TRPM2: variants seen among roughly 807,000 people sequenced by gnomAD.
TRPM2 encodes the protein transient receptor potential cation channel subfamily M member 2.
Under a neutral mutation model 174.0 loss-of-function variants are expected in TRPM2, and 161 were observed. That is an observed-to-expected ratio of 0.93 (90% CI 0.81 to 1.05). The LOEUF (loss-of-function observed/expected upper bound fraction) is 1.05, where lower values mean the gene tolerates loss of function less well. Ranked by LOEUF, TRPM2 falls within the 50% of genes least tolerant of loss-of-function variation. TRPM2 has a pLI of 0.00. For missense variants in TRPM2, 2,057 were observed against 2,038.0 expected (o/e 1.01, Z -0.18); for synonymous variants, 954 against 861.3 (o/e 1.11, Z -1.88).
chr21:44,423,268 C>A (rs2050616822), intron 22 of TRPM2: 2 of 258,834 alleles, frequency 7.7e-6, no homozygotes, highest in East Asian at 8.7e-5. Flanking sequence ...ATTCCCCAAG[C>A]AACAGTGCCG....
Position 44,418,068 on chromosome 21 carries a change from G to T in TRPM2, c.3288G>T (p.Arg1096Ser). The T allele has an allele frequency of 6.2e-7, 1 of 1,613,058 alleles. No individual in the cohort carries two copies. Among genetic ancestry groups the T allele is most frequent in the Non-Finnish European group, 8.5e-7 (1 of 1,179,992 alleles). Reference sequence around the variant, plus strand: ...GCCACCTGCAGCTCTTCATCAAGAGGGTGGTCCTGAAGACTCCGGCCAAGA... The same window carrying T: ...GCCACCTGCAGCTCTTCATCAAGAGTGTGGTCCTGAAGACTCCGGCCAAGA... ...LLSHLQLFIK[R>S]VVLKTPAKRH... The change falls in exon 21 of 32, where the codon AGG (arginine) becomes AGT (serine). Residue 1096 changes from arginine to serine, a missense_variant. By Grantham distance (110) the Arg-to-Ser change is moderately radical. Transcript: ENST00000397928.
chr21:44,390,009 A>G (rs1049021677), intron 9 of TRPM2, among the ~76,000 whole-genome samples: 52 of 151,718 alleles, frequency 3.4e-4, no homozygotes, highest in African/African-American at 1.3e-3. Context: ...AGTAGCTGGG[A>G]CTACAGGTGT....
At chr21:44,419,611 G>A in intron 22 of TRPM2, among the ~76,000 whole-genome samples, 2 of 131,268 alleles carry the variant, frequency 1.5e-5, no homozygotes, top group Admixed American at 7.4e-5. Flanking sequence ...TGGTGATGAT[G>A]GTGATGTGGT....
intron 11 of TRPM2, among the ~76,000 whole-genome samples, chr21:44,392,421 CTT>C (rs747999336): frequency 7.1e-6 from 1 of 139,944 alleles, no homozygotes; most frequent in African/African-American, 2.6e-5. Flanking sequence ...CCACACCCAG[CTT>C]TTTTTTTTTT....
At chr21:44,429,190 A>C (rs1344186930) in intron 27 of TRPM2, among the ~76,000 whole-genome samples, 2 of 151,808 alleles carry the variant, frequency 1.3e-5, no homozygotes, top group Non-Finnish European at 2.9e-5. Flanking sequence ...TTTTGTTCAT[A>C]AAGATCTTAC....
rs755651507 is a variant in TRPM2 at position 44,423,649 on chromosome 21, G to A, written c.3466G>A (p.Asp1156Asn). Residue 1156 changes from aspartate (D) to asparagine (N), a missense_variant, in exon 23 of 32, where the codon GAC (aspartate) becomes AAC (asparagine). Asp to Asn is a conservative substitution (Grantham distance 23). Transcript: ENST00000397928. The part of the protein sequence containing the change: ...QKIEDISNKV[D>N]AMVDLLDLDP... Reference sequence around the variant, plus strand: ...CTCAGCTGCTTCCTCTTTCAGGGTTGACGCCATGGTGGACCTGCTGGACCT... The same window carrying A: ...CTCAGCTGCTTCCTCTTTCAGGGTTAACGCCATGGTGGACCTGCTGGACCT... The A allele has an allele frequency of 3.6e-5, 58 of 1,612,384 alleles. No homozygotes were observed. In the South Asian group the frequency reaches 6.1e-4, roughly 17 times the overall value.
rs1423560660 is a variant in TRPM2 at position 44,418,629 on chromosome 21, T to G, written c.3461+74T>G. 1.9e-6 allele frequency: 3 copies of G among 1,573,058 alleles called. No individual in the cohort carries two copies. In the African/African-American group the frequency reaches 4.1e-5, roughly 21 times the overall value. ...CCTGCAGGTCCACAGGCACCATGAG[T>G]ACATGTCCCACCTGGGGAGGCCCAG... On this transcript the variant is annotated intron_variant, in intron 22 of 31. Transcript: ENST00000397928.
chr21:44,353,449 G>T, upstream of TRPM2: 1 of 406,188 alleles, frequency 2.5e-6, no homozygotes, highest in Non-Finnish European at 4.3e-6. Flanking sequence ...CCCCCAGAGT[G>T]TCCGGGGGCC....
chr21:44,388,363 T>C (rs2049071685), intron 9 of TRPM2, among the ~76,000 whole-genome samples: 1 of 152,100 alleles, frequency 6.6e-6, no homozygotes, highest in Admixed American at 6.6e-5. Context: ...GTCAAATTCA[T>C]GGAGACAGAA....
intron 27 of TRPM2, 55 bp downstream of exon 27, chr21:44,427,166 G>A: frequency 7.0e-7 from 1 of 1,438,040 alleles, no homozygotes; most frequent in Non-Finnish European, 9.4e-7. Flanking sequence ...TTGCCTGGGG[G>A]GCAGGTTTCC....
intron 22 of TRPM2, among the ~76,000 whole-genome samples, chr21:44,419,524 G>A (rs1350199512): frequency 1.3e-5 from 2 of 151,692 alleles, no homozygotes; most frequent in Non-Finnish European, 2.9e-5. Context: ...TAGTGGGGGC[G>A]GTGGTGGTGA....
At chr21:44,385,677 A>T (rs922576061) in intron 9 of TRPM2, among the ~76,000 whole-genome samples, 2 of 152,248 alleles carry the variant, frequency 1.3e-5, no homozygotes, top group Admixed American at 6.5e-5. Context: ...TGGGTAATTT[A>T]TAAAGGAAAG....
Position 44,439,260 on chromosome 21 carries a change from C to A in TRPM2, c.4269+92C>A. 3 of 1,230,794 alleles carry A rather than the reference C, an allele frequency of 2.4e-6. No homozygotes were observed. The highest frequency in any genetic ancestry group is 3.5e-6 in the Non-Finnish European group (3 of 855,180). 76.2% of individuals were successfully genotyped at this position (1,230,794 alleles called of 1,614,324 possible). A position where few individuals can be genotyped will look rare whatever the true frequency, so the allele number is the denominator to read the frequency against. On this transcript the variant is annotated intron_variant, in intron 30 of 31. Transcript: ENST00000397928. This position sits in a 1 kb window ranked among gnomAD's most constrained non-coding sequence, Gnocchi z 5.1. ...ATACTGGGGACCTGCCCCAGCACCA[C>A]TGGGTGGCAGCGGTCCCACCCAGCT...
At chr21:44,413,563 A>G (rs1416525405) in intron 19 of TRPM2, among the ~76,000 whole-genome samples, 1 of 151,790 alleles carries the variant, frequency 6.6e-6, no homozygotes, top group Non-Finnish European at 1.5e-5. Flanking sequence ...AATTATTTCC[A>G]CCAAATTGAA....
In TRPM2 at chr21:44,390,908, A is replaced by C. The variant is rs749789976; in HGVS notation, c.1323A>C (p.Ser441=). ...TATGCACCTGTTCATCTGCAGCCTCACGGAGCCAAGACCACTTTGGCCACG... is the reference window on the plus strand; with the variant it reads ...TATGCACCTGTTCATCTGCAGCCTCCCGGAGCCAAGACCACTTTGGCCACG... The part of the protein sequence containing the change: ...VAILQALLKA[S]RSQDHFGHEN... The change falls in exon 10 of 32, where the codon TCA becomes TCC. Residue 441 remains serine (S), a synonymous_variant. Transcript: ENST00000397928. 1.9e-6 allele frequency: 3 copies of C among 1,613,930 alleles called. No homozygotes were observed. The highest frequency in any genetic ancestry group is 2.5e-6 in the Non-Finnish European group (3 of 1,180,034).
chr21:44,420,301 T>C (rs571684702), intron 22 of TRPM2, among the ~76,000 whole-genome samples: 31 of 152,110 alleles, frequency 2.0e-4, no homozygotes, highest in African/African-American at 7.0e-4. Context: ...TGGATGTTGG[T>C]TGGTTGGCTG....
rs759988189 is a variant in TRPM2 at position 44,438,801 on chromosome 21, G to A, written c.4168-266G>A. Reference sequence around the variant, plus strand: ...CCCTTGGGGAGTCTGAGCTCAGGGTGGGTACCCTGGGGGCTGTCCCTGCTC... The same window carrying A: ...CCCTTGGGGAGTCTGAGCTCAGGGTAGGTACCCTGGGGGCTGTCCCTGCTC... On this transcript the variant is annotated intron_variant, in intron 29 of 31. Transcript: ENST00000397928. This position sits in a 1 kb window ranked among gnomAD's most constrained non-coding sequence, Gnocchi z 5.9. 1.3e-5 allele frequency among the ~76,000 whole-genome samples: 2 copies of A among 152,146 alleles called. No homozygotes were observed. Among genetic ancestry groups the A allele is most frequent in the African/African-American group, 2.4e-5 (1 of 41,434 alleles).
intron 29 of TRPM2, 98 bp downstream of exon 29, chr21:44,437,265 C>A (rs889088632): frequency 3.6e-6 from 4 of 1,096,032 alleles, no homozygotes; most frequent in African/African-American, 1.8e-5. Context: ...CAGCCCCCTG[C>A]AGCCCCCTGC....
chr21:44,388,844 A>G (rs1044553807), intron 9 of TRPM2, among the ~76,000 whole-genome samples: 1 of 152,106 alleles, frequency 6.6e-6, no homozygotes, highest in African/African-American at 2.4e-5. Flanking sequence ...CAAAAACAAA[A>G]ACAAAAACAA....
Sources: allele counts gnomAD v4.1 joint callset (sites outside exome capture counted in the v4.1 genomes callset), GRCh38; gene constraint gnomAD v4.1.1; non-coding constraint Gnocchi (gnomAD v3.1); transcripts MANE v1.5; gene names NCBI Gene and HGNC (gene_info 2026-07-23, HGNC 2026-07-21).